SLC35F1: variants seen among roughly 807,000 people sequenced by gnomAD.
The protein encoded by SLC35F1 is chromosome 6 open reading frame 169.
SLC35F1 carries 14 observed loss-of-function variants against 48.7 expected under a neutral mutation model. That is an observed-to-expected ratio of 0.29 (90% CI 0.19 to 0.45). SLC35F1 has a LOEUF of 0.45. SLC35F1 is among the 20% of genes least tolerant of loss of function. SLC35F1 has a pLI of 1.00. For missense variants in SLC35F1, 404 were observed against 500.0 expected (o/e 0.81, Z 1.83); for synonymous variants, 190 against 202.2 (o/e 0.94, Z 0.51).
intron 1 of SLC35F1, among the ~76,000 whole-genome samples, chr6:118,139,314 G>T (rs752093890): frequency 6.6e-6 from 1 of 152,016 alleles, no homozygotes; most frequent in South Asian, 2.1e-4. Flanking sequence ...GGGTTTCACC[G>T]TGTTAGCCAG....
intron 1 of SLC35F1, among the ~76,000 whole-genome samples, chr6:118,007,588 C>T (rs1777190052): frequency 6.6e-6 from 1 of 152,112 alleles, no homozygotes; most frequent in Non-Finnish European, 1.5e-5. Flanking sequence ...TTTCACTTAC[C>T]TTATCAATCC....
chr6:118,215,309 T>A (rs1775057263), intron 2 of SLC35F1, among the ~76,000 whole-genome samples: 1 of 152,196 alleles, frequency 6.6e-6, no homozygotes, highest in South Asian at 2.1e-4. Context: ...GAGGTCTTAT[T>A]TCTCAAAAAT....
chr6:118,235,432 A>G, intron 2 of SLC35F1, 77 bp from the exon 3 acceptor site: 6 of 1,323,230 alleles, frequency 4.5e-6, no homozygotes, highest in Non-Finnish European at 5.2e-6. Context: ...ATGTTGCAAC[A>G]TATTAGAATT....
intron 1 of SLC35F1, among the ~76,000 whole-genome samples, chr6:117,910,833 C>T (rs1367110877): frequency 2.6e-5 from 4 of 152,200 alleles, no homozygotes; most frequent in Non-Finnish European, 5.9e-5. Flanking sequence ...AGCTATCTGA[C>T]AACCCAGAGG....
At chr6:117,974,270 T>C (rs1424956442) in intron 1 of SLC35F1, among the ~76,000 whole-genome samples, 4 of 152,206 alleles carry the variant, frequency 2.6e-5, no homozygotes, top group Non-Finnish European at 5.9e-5. Context: ...GCAGGGCATA[T>C]ATGGTTTTAG....
chr6:118,285,148 G>C, intron 6 of SLC35F1, 36 bp from the exon 7 acceptor site: 3 of 1,605,878 alleles, frequency 1.9e-6, no homozygotes, highest in Non-Finnish European at 2.6e-6. Flanking sequence ...CCCTGGAGGA[G>C]GCCCTGACGC....
intron 1 of SLC35F1, among the ~76,000 whole-genome samples, chr6:117,971,729 C>A (rs887007139): frequency 2.0e-5 from 3 of 152,272 alleles, no homozygotes; most frequent in Non-Finnish European, 4.4e-5. Flanking sequence ...TCTGAAGCAA[C>A]AGCCTGACCT....
In SLC35F1 at chr6:117,953,892, A is replaced by T. The variant is rs183308622; in HGVS notation, c.173+45993A>T. Reference sequence around the variant, plus strand: ...CTGGGATCATTTTGAGAGTGATAGAAAGGGAACATGAATGGGATCCTGAAA... The same window carrying T: ...CTGGGATCATTTTGAGAGTGATAGATAGGGAACATGAATGGGATCCTGAAA... On this transcript the variant is annotated intron_variant, in intron 1 of 7. Transcript: ENST00000360388. Among the ~76,000 whole-genome samples, 1,388 of 152,276 alleles carry T rather than the reference A, an allele frequency of 9.1e-3. 11 individuals carry two copies. The highest frequency in any genetic ancestry group is 0.013 in the Non-Finnish European group (854 of 68,034).
Position 117,907,604 on chromosome 6 carries a change from G to A in SLC35F1, c.-123G>A, listed in dbSNP as rs1775705079. 2.0e-6 allele frequency: 1 copy of A among 499,560 alleles called. No individual in the cohort carries two copies. The highest frequency in any genetic ancestry group is 4.3e-5 in the South Asian group (1 of 23,360). 30.9% of individuals were successfully genotyped at this position (499,560 alleles called of 1,614,324 possible). A position where few individuals can be genotyped will look rare whatever the true frequency, so the allele number is the denominator to read the frequency against. Reference sequence around the variant, plus strand: ...TGCCTCCCCGCCTCACCGCTTCGCAGGCAGCACCGCCTCCCGGGCCGCGGC... The same window carrying A: ...TGCCTCCCCGCCTCACCGCTTCGCAAGCAGCACCGCCTCCCGGGCCGCGGC... On this transcript the variant is annotated 5_prime_UTR_variant, in exon 1 of 8. Transcript: ENST00000360388.
intron 1 of SLC35F1, among the ~76,000 whole-genome samples, chr6:118,063,420 T>C (rs2114279073): frequency 6.6e-6 from 1 of 152,246 alleles, no homozygotes; most frequent in South Asian, 2.1e-4. Flanking sequence ...AAAAAGTCTG[T>C]AAGGGAAATT....
At chr6:118,298,044 G>T (rs566263124) in intron 7 of SLC35F1, among the ~76,000 whole-genome samples, 1 of 152,018 alleles carries the variant, frequency 6.6e-6, no homozygotes, top group South Asian at 2.1e-4. Context: ...CTCTCATCAT[G>T]TGACATGCCT....
At chr6:118,125,926 G>A (rs548880646) in intron 1 of SLC35F1, among the ~76,000 whole-genome samples, 7 of 152,284 alleles carry the variant, frequency 4.6e-5, no homozygotes, top group Non-Finnish European at 7.4e-5. Context: ...GATAATCGCT[G>A]TTCTTTTTTT....
chr6:118,161,127 T>G (rs1774225077), intron 2 of SLC35F1, among the ~76,000 whole-genome samples: 1 of 152,098 alleles, frequency 6.6e-6, no homozygotes, highest in Non-Finnish European at 1.5e-5. Flanking sequence ...AATAGGCCTA[T>G]CAGATAGCCA....
At chr6:117,973,201 C>T (rs542643363) in intron 1 of SLC35F1, among the ~76,000 whole-genome samples, 125 of 152,290 alleles carry the variant, frequency 8.2e-4, no homozygotes, top group African/African-American at 3.0e-3. Flanking sequence ...GGCTTTTTCT[C>T]TGTACCTATG....
chr6:118,197,335 G>A (rs999290244), intron 2 of SLC35F1, among the ~76,000 whole-genome samples: 1 of 151,682 alleles, frequency 6.6e-6, no homozygotes, highest in Admixed American at 6.6e-5. Context: ...GAAACTAGAT[G>A]ATCTGAGAAA....
chr6:118,167,525 A>G (rs1305665561), intron 2 of SLC35F1, among the ~76,000 whole-genome samples: 3 of 152,206 alleles, frequency 2.0e-5, no homozygotes, highest in Admixed American at 1.3e-4. Context: ...GTAACACAAT[A>G]ATGAGTATAT....
At chr6:118,069,423 G>C (rs975814600) in intron 1 of SLC35F1, among the ~76,000 whole-genome samples, 2 of 152,132 alleles carry the variant, frequency 1.3e-5, no homozygotes, top group African/African-American at 4.8e-5. Flanking sequence ...AAAGAGAGAA[G>C]AATCAGATGT....
At chr6:118,213,480 A>G (rs1454953417) in intron 2 of SLC35F1, among the ~76,000 whole-genome samples, 1 of 152,230 alleles carries the variant, frequency 6.6e-6, no homozygotes, top group African/African-American at 2.4e-5. Context: ...TCTATGGACC[A>G]GTATATTTGG....
At chr6:118,000,574 AC>A (rs1290477751) in intron 1 of SLC35F1, among the ~76,000 whole-genome samples, 2 of 152,186 alleles carry the variant, frequency 1.3e-5, no homozygotes, top group East Asian at 3.9e-4. Flanking sequence ...CTCCTATTCA[AC>A]ATAGTGTTGG....
Sources: gnomAD v4.1 joint callset for allele counts (sites outside exome capture counted in the v4.1 genomes callset) on GRCh38, gnomAD v4.1.1 for gene constraint, MANE v1.5 for transcripts, NCBI Gene and HGNC (gene_info 2026-07-23, HGNC 2026-07-21) for gene names.